The following CCDC180 variants were observed in gnomAD, a reference collection of about 807,000 sequenced individuals.
CCDC180 encodes coiled-coil domain-containing protein 180.
In CCDC180, 154 loss-of-function variants were observed where a neutral mutation model predicts 209.2. That is an observed-to-expected ratio of 0.74 (90% CI 0.65 to 0.84). CCDC180 has a LOEUF of 0.84. Ranked by LOEUF, CCDC180 falls within the 40% of genes least tolerant of loss-of-function variation. CCDC180 has a pLI of 0.00. For missense variants in CCDC180, 1,874 were observed against 1,997.3 expected, an observed-to-expected ratio of 0.94 and a Z score of 1.18; for synonymous variants, 778 against 749.1, an observed-to-expected ratio of 1.04 and a Z score of -0.63.
chr9:97,358,536 A>C (rs1826656212), intron 25 of CCDC180, among the ~76,000 whole-genome samples: 1 of 152,130 alleles, frequency 6.6e-6, no homozygotes. Context: ...CCTGGCTCTG[A>C]TCCTCAGAGC....
intron 21 of CCDC180, 57 bp downstream of exon 21, chr9:97,349,348 C>A: frequency 6.8e-7 from 1 of 1,465,080 alleles, no homozygotes; most frequent in Non-Finnish European, 9.1e-7. Flanking sequence ...CCCAGTTCGG[C>A]TGCTGCTTTC....
chr9:97,354,875 T>C lies in CCDC180; in HGVS notation c.3148-17T>C. 1 of 1,593,204 alleles carries C rather than the reference T, an allele frequency of 6.3e-7. No homozygotes were observed. Among genetic ancestry groups the C allele is most frequent in the Non-Finnish European group, 8.6e-7 (1 of 1,161,030 alleles). ...CAAATTAAGCCCCTGTCCTTTACCCTTTATCTCTCTGTACAGGCCAATGAT... is the reference window on the plus strand; with the variant it reads ...CAAATTAAGCCCCTGTCCTTTACCCCTTATCTCTCTGTACAGGCCAATGAT... On this transcript the variant is annotated splice_polypyrimidine_tract_variant and intron_variant, in intron 23 of 36. Transcript: ENST00000529487.
chr9:97,333,374 G>A (rs1310645935), intron 18 of CCDC180, among the ~76,000 whole-genome samples: 1 of 152,076 alleles, frequency 6.6e-6, no homozygotes, highest in Non-Finnish European at 1.5e-5. Context: ...GCGTGATTCC[G>A]GCTTCATAGA....
intron 19 of CCDC180, among the ~76,000 whole-genome samples, chr9:97,344,530 G>A (rs750639199): frequency 6.6e-6 from 1 of 152,180 alleles, no homozygotes; most frequent in Non-Finnish European, 1.5e-5. Context: ...CTTAATAACT[G>A]TGAGAGAGTT....
chr9:97,369,092 AT>A (rs1198281706), intron 31 of CCDC180, among the ~76,000 whole-genome samples: 1 of 152,266 alleles, frequency 6.6e-6, no homozygotes, highest in Admixed American at 6.5e-5. Context: ...TTTTAAAACT[AT>A]GCATGACTTT....
chr9:97,364,034 C>G lies in CCDC180; in HGVS notation c.3903-17C>G, dbSNP rs1359049751. 1 of 1,613,350 alleles carries G rather than the reference C, an allele frequency of 6.2e-7. No homozygotes were observed. Among genetic ancestry groups the G allele is most frequent in the Non-Finnish European group, 8.5e-7 (1 of 1,179,430 alleles). ...TGTCCACAGCCTCCAGACCACCCAC[C>G]CACCTTTGTCCCACAGCTTCACACC... On this transcript the variant is annotated splice_polypyrimidine_tract_variant and intron_variant, in intron 28 of 36. Coordinates refer to ENST00000529487, the MANE Select transcript of CCDC180 (RefSeq NM_020893.6).
Position 97,307,744 on chromosome 9 carries a change from C to A in CCDC180, c.-144C>A, listed in dbSNP as rs577188983. The A allele has an allele frequency of 6.2e-7, 1 of 1,614,172 alleles. No homozygotes were observed. The highest frequency in any genetic ancestry group is 8.5e-7 in the Non-Finnish European group (1 of 1,179,994). ...ATTATTCGCGTTCCCAGAGTCCCTT[C>A]GGATTTGCGCCATGCGCGGCGGGGA... On this transcript the variant is annotated 5_prime_UTR_variant, in exon 1 of 37. Coordinates refer to ENST00000529487, the MANE Select transcript of CCDC180 (RefSeq NM_020893.6).
chr9:97,342,806 C>CAG (rs1472334603), intron 18 of CCDC180, among the ~76,000 whole-genome samples: 2 of 152,212 alleles, frequency 1.3e-5, no homozygotes, highest in Non-Finnish European at 2.9e-5. Flanking sequence ...AGCTGGCAGA[C>CAG]AGAGCTCTCC....
At chr9:97,335,135 T>A (rs980007049) in intron 18 of CCDC180, among the ~76,000 whole-genome samples, 6 of 152,074 alleles carry the variant, frequency 3.9e-5, no homozygotes, top group Non-Finnish European at 7.3e-5. Context: ...CTTCCTTCTT[T>A]TGCTCTATTA....
At chr9:97,314,199 GCC>G (rs142842423) in intron 5 of CCDC180, among the ~76,000 whole-genome samples, 192 bp from the exon 6 acceptor site, 3,689 of 152,372 alleles carry the variant, frequency 0.024, 49 homozygotes, top group African/African-American at 0.041. Context: ...GATCAAATGA[GCC>G]AAGAAGGAGG....
rs1827316923 is a variant in CCDC180 at position 97,378,707 on chromosome 9, G to A, written c.*1813G>A. On this transcript the variant is annotated 3_prime_UTR_variant, in exon 37 of 37. Coordinates refer to ENST00000529487, the MANE Select transcript of CCDC180 (RefSeq NM_020893.6). Reference sequence around the variant, plus strand: ...GCAGGGCTCCTAGAAAGAAGGCAGAGATGACATCCTCCCACATTAGCTCTT... The same window carrying A: ...GCAGGGCTCCTAGAAAGAAGGCAGAAATGACATCCTCCCACATTAGCTCTT... Among the ~76,000 whole-genome samples the A allele has an allele frequency of 6.6e-6, 1 of 152,202 alleles. No homozygotes were observed. The highest frequency in any genetic ancestry group is 2.1e-4 in the South Asian group (1 of 4,826).
chr9:97,339,463 T>G (rs1428622929), intron 18 of CCDC180, among the ~76,000 whole-genome samples: 1 of 152,202 alleles, frequency 6.6e-6, no homozygotes, highest in African/African-American at 2.4e-5. Flanking sequence ...AATTCTTTTC[T>G]TTAAGAATAT....
chr9:97,361,896 G>T lies in CCDC180; in HGVS notation c.3654G>T (p.Leu1218=). 1.2e-6 allele frequency: 2 copies of T among 1,613,748 alleles called. No individual in the cohort carries two copies. The highest frequency in any genetic ancestry group is 1.7e-6 in the Non-Finnish European group (2 of 1,179,904). ...DPAVDVIRKL[L]QLPNTKWPTH... ...CTGTGGATGTGATCAGGAAGCTCCT[G>T]CAGTGAGTGGCCCCAGGGTGCACCT... The change falls in exon 27 of 37, where the codon CTG becomes CTT. Residue 1218 remains leucine, a splice_region_variant and synonymous_variant. Transcript: ENST00000529487.
chr9:97,366,744 C>T lies in CCDC180; in HGVS notation c.4189+44C>T, dbSNP rs926274264. The T allele has an allele frequency of 9.4e-6, 15 of 1,600,282 alleles. No individual in the cohort carries two copies. The highest frequency in any genetic ancestry group is 2.2e-5 in the South Asian group (2 of 88,914). On this transcript the variant is annotated intron_variant, in intron 31 of 36. Transcript: ENST00000529487. The surrounding 1 kb of genome is among the most constrained non-coding windows in gnomAD (Gnocchi z 4.3). The stretch of plus-strand genomic sequence containing the variant: ...AAGGCACGGGGAACAGGGCGGGGCG[C>T]GAAGCCAGTGGTGGAGCTCGGCCTT...
chr9:97,373,142 A>G (rs1470953583), intron 34 of CCDC180: 1 of 152,164 alleles, frequency 6.6e-6, no homozygotes, highest in Non-Finnish European at 1.5e-5. Context: ...GCTGATGATC[A>G]CCTCTGCTGG....
chr9:97,342,424 A>C (rs1037422291), intron 18 of CCDC180, among the ~76,000 whole-genome samples: 1 of 150,616 alleles, frequency 6.6e-6, no homozygotes, highest in African/African-American at 2.4e-5. Flanking sequence ...ATCCTATTCA[A>C]CCATCTTGGA....
chr9:97,316,982 C>T, intron 8 of CCDC180, 83 bp from the exon 9 acceptor site: 1 of 1,365,126 alleles, frequency 7.3e-7, no homozygotes, highest in African/African-American at 1.4e-5. Context: ...CTCCAGCCTC[C>T]CACTGCTCCT....
chr9:97,340,687 C>G (rs1043701003), intron 18 of CCDC180, among the ~76,000 whole-genome samples: 6 of 152,242 alleles, frequency 3.9e-5, no homozygotes, highest in Admixed American at 3.9e-4. Context: ...GCTCCTTGGT[C>G]TAGCGGTGAC....
intron 19 of CCDC180, 54 bp downstream of exon 19, chr9:97,343,617 G>T: frequency 8.0e-7 from 1 of 1,252,500 alleles, no homozygotes; most frequent in Non-Finnish European, 1.1e-6. Context: ...TTGTAAACAA[G>T]GTGAAATATT....
Sources: gnomAD v4.1 joint callset for allele counts (sites outside exome capture counted in the v4.1 genomes callset) on GRCh38, gnomAD v4.1.1 for gene constraint, Gnocchi (gnomAD v3.1) non-coding constraint, MANE v1.5 for transcripts, NCBI Gene and HGNC (gene_info 2026-07-23, HGNC 2026-07-21) for gene names.